Variants in CADPS2 observed in about 807,000 individuals in gnomAD.
CADPS2 encodes the protein calcium dependent secretion activator 2.
CADPS2 carries 93 observed loss-of-function variants against 172.5 expected under a neutral mutation model. That is an observed-to-expected ratio of 0.54 (90% CI 0.46 to 0.64). The LOEUF is 0.64. Among genes scored for constraint, CADPS2 ranks in the 30% least tolerant of loss-of-function variants. The pLI is 0.00. For missense variants in CADPS2, 1,420 were observed against 1,565.9 expected, an observed-to-expected ratio of 0.91 and a Z score of 1.57; for synonymous variants, 546 against 555.2, an observed-to-expected ratio of 0.98 and a Z score of 0.23.
chr7:122,623,133 T>A (rs2075761914), intron 4 of CADPS2, among the ~76,000 whole-genome samples: 1 of 150,192 alleles, frequency 6.7e-6, no homozygotes. Context: ...AATATCCTTT[T>A]AAAATTTCTC....
chr7:122,827,138 C>T (rs1171817010), intron 1 of CADPS2, among the ~76,000 whole-genome samples: 2 of 152,100 alleles, frequency 1.3e-5, no homozygotes, highest in African/African-American at 2.4e-5. Context: ...TGAGAGACTA[C>T]TATGAACAAC....
At chr7:122,335,741 C>A (rs1234283250) in intron 28 of CADPS2, among the ~76,000 whole-genome samples, 1 of 151,966 alleles carries the variant, frequency 6.6e-6, no homozygotes, top group African/African-American at 2.4e-5. Flanking sequence ...AGGACAGCCA[C>A]AAAGATGATT....
intron 1 of CADPS2, among the ~76,000 whole-genome samples, chr7:122,768,188 T>C (rs2138980968): frequency 6.6e-6 from 1 of 152,304 alleles, no homozygotes; most frequent in South Asian, 2.1e-4. Context: ...GCATCCAACA[T>C]ATATTAGCCA....
At chr7:122,380,480 T>C (rs2042865606) in intron 24 of CADPS2, among the ~76,000 whole-genome samples, 1 of 151,468 alleles carries the variant, frequency 6.6e-6, no homozygotes, top group Non-Finnish European at 1.5e-5. Context: ...TTTTTTTTTG[T>C]GCTGAAAACA....
intron 2 of CADPS2, among the ~76,000 whole-genome samples, chr7:122,694,500 G>A (rs1416659366): frequency 1.3e-5 from 2 of 152,140 alleles, no homozygotes; most frequent in Non-Finnish European, 2.9e-5. Flanking sequence ...ATCATCACGG[G>A]ACACAGTAAC....
At chr7:122,567,633 T>A (rs2066638005) in intron 7 of CADPS2, among the ~76,000 whole-genome samples, 1 of 152,162 alleles carries the variant, frequency 6.6e-6, no homozygotes, top group South Asian at 2.1e-4. Flanking sequence ...GTAGTGTGGG[T>A]TTGTAACATA....
In CADPS2 at chr7:122,530,931, G is replaced by C. The variant is rs117356741; in HGVS notation, c.1476-17616C>G. Among the ~76,000 whole-genome samples the C allele has an allele frequency of 5.0e-3, 754 of 152,256 alleles. 25 individuals carry two copies. The highest frequency in any genetic ancestry group is 0.037 in the Admixed American group (561 of 15,294). On this transcript the variant is annotated intron_variant, in intron 8 of 29. Coordinates refer to ENST00000449022, the MANE Select transcript of CADPS2 (RefSeq NM_017954.11). Reference sequence around the variant, plus strand: ...CTGTGCTAGATGCTGGATTGATTGTGAATGGGAAAGTGTTCACATGTATAG... The same window carrying C: ...CTGTGCTAGATGCTGGATTGATTGTCAATGGGAAAGTGTTCACATGTATAG...
intron 2 of CADPS2, among the ~76,000 whole-genome samples, chr7:122,734,742 G>GTT (rs952692659): frequency 6.6e-6 from 1 of 151,988 alleles, no homozygotes; most frequent in African/African-American, 2.4e-5. Context: ...TCATTCAAGA[G>GTT]TTTGTTGCAT....
intron 1 of CADPS2, among the ~76,000 whole-genome samples, chr7:122,835,330 G>A (rs1808022663): frequency 6.6e-6 from 1 of 152,238 alleles, no homozygotes; most frequent in South Asian, 2.1e-4. Context: ...CACAAAGATG[G>A]GGAAAAAGCA....
intron 6 of CADPS2, among the ~76,000 whole-genome samples, chr7:122,592,682 T>TTG (rs2071043038): frequency 1.3e-5 from 2 of 152,034 alleles, no homozygotes. Context: ...TTCATGTCCT[T>TTG]TATGGGGACA....
chr7:122,832,816 A>G (rs1232076198), intron 1 of CADPS2, among the ~76,000 whole-genome samples: 1 of 152,212 alleles, frequency 6.6e-6, no homozygotes, highest in African/African-American at 2.4e-5. Context: ...AGTATCACCC[A>G]AATTCCCCTT....
At chr7:122,471,256 C>A in intron 14 of CADPS2, 119 bp downstream of exon 14, 58 of 398,664 alleles carry the variant, frequency 1.5e-4, no homozygotes, top group East Asian at 3.7e-4. Context: ...TTTTTTTTTC[C>A]TTGTAAGAAG....
chr7:122,402,312 A>C (rs544999104), intron 20 of CADPS2, among the ~76,000 whole-genome samples: 2 of 152,244 alleles, frequency 1.3e-5, no homozygotes, highest in South Asian at 2.1e-4. Context: ...ATGCCCACAG[A>C]ATCTGCTTTT....
intron 1 of CADPS2, among the ~76,000 whole-genome samples, chr7:122,771,679 G>A (rs2093707544): frequency 6.6e-6 from 1 of 152,144 alleles, no homozygotes; most frequent in Non-Finnish European, 1.5e-5. Flanking sequence ...CCAAGGTGAG[G>A]GGGATCCCAA....
intron 6 of CADPS2, among the ~76,000 whole-genome samples, chr7:122,595,068 C>G (rs566945555): frequency 6.6e-6 from 1 of 151,854 alleles, no homozygotes; most frequent in Admixed American, 6.6e-5. Flanking sequence ...GTTCATATTG[C>G]TCCCAAACCC....
intron 19 of CADPS2, among the ~76,000 whole-genome samples, chr7:122,412,513 G>A (rs777627016): frequency 1.3e-5 from 2 of 152,172 alleles, no homozygotes. Context: ...TGTTCACACT[G>A]AACTCTCACT....
At chr7:122,386,164 G>T in intron 24 of CADPS2, 2 of 596,776 alleles carry the variant, frequency 3.4e-6, no homozygotes, top group Non-Finnish European at 2.6e-6. Context: ...TTATATATGC[G>T]AACACAGAAG....
chr7:122,497,589 T>C (rs2058844525), intron 9 of CADPS2, among the ~76,000 whole-genome samples: 2 of 152,180 alleles, frequency 1.3e-5, no homozygotes, highest in Admixed American at 1.3e-4. Context: ...CTTATTTTAG[T>C]AATGTTTAGT....
In CADPS2 at chr7:122,527,645, TGTGTG is replaced by T. The variant is rs1563602252; in HGVS notation, c.1476-14335_1476-14331del. On this transcript the variant is annotated intron_variant, in intron 8 of 29. Transcript: ENST00000449022. ...GTGTGTGTGTGTGTGTGTGTGTGTG[TGTGTG>T]TGTTTCCTGCAAGTGGTGGGCTTCC... Among the ~76,000 whole-genome samples the T allele has an allele frequency of 5.0e-3, 744 of 149,282 alleles. 6 individuals are homozygous for T. The highest frequency in any genetic ancestry group is 0.018 in the African/African-American group (711 of 40,182).
Sources: allele counts gnomAD v4.1 joint callset (sites outside exome capture counted in the v4.1 genomes callset), GRCh38; gene constraint gnomAD v4.1.1; transcripts MANE v1.5; gene names NCBI Gene and HGNC (gene_info 2026-07-23, HGNC 2026-07-21).